RARB: variants seen among roughly 807,000 people sequenced by gnomAD.
The protein encoded by RARB is HBV-activated protein.
Under a neutral mutation model 51.9 loss-of-function variants are expected in RARB, and 17 were observed. The ratio of observed to expected loss-of-function variants is 0.33; its 90% CI spans 0.22 to 0.49. The LOEUF is 0.49. RARB is among the 20% of genes least tolerant of loss of function. The pLI is 0.99. For missense variants in RARB, 369 were observed against 550.8 expected, an observed-to-expected ratio of 0.67 and a Z score of 3.30; for synonymous variants, 215 against 195.4, an observed-to-expected ratio of 1.10 and a Z score of -0.84.
chr3:25,293,597 T>TAAAAAAAAAAAAAAAAAAAAAAA lies in RARB; in HGVS notation c.178+119043_178+119044insAAAAAAAAAAAAAAAAAAAAAAA, dbSNP rs10713675. 5.7e-4 allele frequency among the ~76,000 whole-genome samples: 39 copies of TAAAAAAAAAAAAAAAAAAAAAAA among 68,634 alleles called. 8 individuals are homozygous for TAAAAAAAAAAAAAAAAAAAAAAA. The highest frequency in any genetic ancestry group is 3.3e-3 in the East Asian group (4 of 1,206). The allele number at this position is 68,634 out of a possible 152,430, so 45.0% of individuals were successfully genotyped here. ...TTCCCGAGGCTAGAGTTACTCCATT[T>TAAAAAAAAAAAAAAAAAAAAAAA]AAAAAAAAAAAAAAAAAAAAAGTTC... On this transcript the variant is annotated intron_variant, in intron 5 of 11. Coordinates refer to the RARB transcript ENST00000383772.
chr3:25,459,974 G>C (rs549901831), intron 1 of RARB, among the ~76,000 whole-genome samples: 37 of 152,232 alleles, frequency 2.4e-4, no homozygotes, highest in African/African-American at 8.7e-4. Context: ...GAGAATTAGG[G>C]GTAGGAGAAC....
At chr3:24,846,403 A>G (rs1702486270) in intron 1 of RARB, among the ~76,000 whole-genome samples, 2 of 152,242 alleles carry the variant, frequency 1.3e-5, no homozygotes, top group South Asian at 2.1e-4. Context: ...ACTGGTATCC[A>G]GTTCAAGGAC....
intron 2 of RARB, among the ~76,000 whole-genome samples, chr3:25,027,037 A>T (rs1386180583): frequency 6.7e-6 from 1 of 149,398 alleles, no homozygotes; most frequent in Non-Finnish European, 1.5e-5. Context: ...AACTCTTGAA[A>T]ATTTAACAAT....
intron 3 of RARB, among the ~76,000 whole-genome samples, chr3:25,542,137 A>G (rs1699409327): frequency 6.6e-6 from 1 of 152,262 alleles, no homozygotes. Context: ...CTATCAGCTA[A>G]TGCTGATCAA....
At chr3:25,143,358 T>C (rs1342600080) in intron 4 of RARB, among the ~76,000 whole-genome samples, 1 of 152,182 alleles carries the variant, frequency 6.6e-6, no homozygotes, top group Non-Finnish European at 1.5e-5. Context: ...TAGAATCCAT[T>C]TATCTGCTGT....
intron 5 of RARB, among the ~76,000 whole-genome samples, chr3:25,195,648 A>G (rs1298229181): frequency 6.6e-6 from 1 of 152,026 alleles, no homozygotes; most frequent in African/African-American, 2.4e-5. Flanking sequence ...TTGAAAAATT[A>G]ACTTGATAGT....
intron 2 of RARB, among the ~76,000 whole-genome samples, chr3:25,041,696 G>A (rs1698117869): frequency 6.6e-6 from 1 of 152,020 alleles, no homozygotes; most frequent in African/African-American, 2.4e-5. Context: ...TAAGAACACA[G>A]ATTGTGCCTT....
chr3:24,950,845 G>A (rs575162636), intron 2 of RARB, among the ~76,000 whole-genome samples: 142 of 152,230 alleles, frequency 9.3e-4, no homozygotes, highest in Admixed American at 2.2e-3. Flanking sequence ...TGTGGTCCCT[G>A]GGCCAGCACC....
At chr3:25,476,162 G>A (rs1166411788) in intron 2 of RARB, among the ~76,000 whole-genome samples, 1 of 152,074 alleles carries the variant, frequency 6.6e-6, no homozygotes, top group African/African-American at 2.4e-5. Flanking sequence ...AGTCCTCTTG[G>A]CCTCACCTAA....
rs373704534 is a variant in RARB at position 25,097,742 on chromosome 3, C to A, written c.-327-34419C>A. The stretch of plus-strand genomic sequence containing the variant: ...CCAGTTCCAAACTCCAGTTCACCTC[C>A]TCACTGCCCTCACCTCCTCATTAGC... On this transcript the variant is annotated intron_variant, in intron 3 of 11. Coordinates refer to the RARB transcript ENST00000383772. 3.9e-5 allele frequency among the ~76,000 whole-genome samples: 6 copies of A among 152,282 alleles called. No homozygotes were observed. The East Asian group carries it at 5.8e-4, about 15-fold the overall frequency.
chr3:25,192,756 T>C lies in RARB; in HGVS notation c.178+18181T>C, dbSNP rs956630494. Among the ~76,000 whole-genome samples, 19 of 152,164 alleles carry C rather than the reference T, an allele frequency of 1.2e-4. 1 individual carries two copies. In the East Asian group the frequency reaches 3.3e-3, roughly 26 times the overall value. On this transcript the variant is annotated intron_variant, in intron 5 of 11. Transcript: ENST00000383772. Reference sequence around the variant, plus strand: ...GACACACACACGACAAAACTTGTTCTGTTGAAAACACCAGTGTCACCCATC... The same window carrying C: ...GACACACACACGACAAAACTTGTTCCGTTGAAAACACCAGTGTCACCCATC...
chr3:25,245,233 A>G (rs1197030833), intron 5 of RARB, among the ~76,000 whole-genome samples: 1 of 152,132 alleles, frequency 6.6e-6, no homozygotes, highest in African/African-American at 2.4e-5. Flanking sequence ...AATACACCAC[A>G]CAGATGGGTT....
intron 3 of RARB, among the ~76,000 whole-genome samples, chr3:25,124,148 G>T (rs1575171324): frequency 6.6e-6 from 1 of 152,184 alleles, no homozygotes; most frequent in African/African-American, 2.4e-5. Context: ...GCCAAGGTGG[G>T]TGGATCACGA....
chr3:25,099,814 T>C (rs767762294), intron 3 of RARB, among the ~76,000 whole-genome samples: 6 of 152,108 alleles, frequency 3.9e-5, no homozygotes, highest in Non-Finnish European at 8.8e-5. Flanking sequence ...TTTACAGAGC[T>C]TGGCTTACCT....
At chr3:24,982,274 G>A (rs1696694468) in intron 2 of RARB, among the ~76,000 whole-genome samples, 2 of 152,112 alleles carry the variant, frequency 1.3e-5, no homozygotes, top group African/African-American at 4.8e-5. Flanking sequence ...GAACCAGGTG[G>A]GCTACCTTGG....
chr3:25,056,964 T>A (rs948609896), intron 2 of RARB, among the ~76,000 whole-genome samples: 9 of 152,188 alleles, frequency 5.9e-5, no homozygotes, highest in Admixed American at 5.2e-4. Flanking sequence ...ATATGGTTAG[T>A]GTATGAGCCT....
chr3:25,413,705 C>T (rs567330642), intron 5 of RARB, among the ~76,000 whole-genome samples: 286 of 152,006 alleles, frequency 1.9e-3, no homozygotes, highest in African/African-American at 5.0e-3. Flanking sequence ...GTAGATGTGT[C>T]GTGCTATTGC....
intron 4 of RARB, 94 bp downstream of exon 4, chr3:25,570,012 A>G: frequency 1.7e-6 from 2 of 1,157,350 alleles, no homozygotes; most frequent in Non-Finnish European, 1.2e-6. Context: ...ACACACACAC[A>G]CACACACACT....
At chr3:25,337,168 T>G (rs1235957601) in intron 5 of RARB, among the ~76,000 whole-genome samples, 2 of 152,172 alleles carry the variant, frequency 1.3e-5, no homozygotes, top group Non-Finnish European at 2.9e-5. Context: ...TGCTCATCTA[T>G]GGATATGTCA....
Sources: gnomAD v4.1 joint callset for allele counts (sites outside exome capture counted in the v4.1 genomes callset) on GRCh38, gnomAD v4.1.1 for gene constraint, MANE v1.5 for transcripts, NCBI Gene and HGNC (gene_info 2026-07-23, HGNC 2026-07-21) for gene names.